Variants in ABCB1 observed in about 807,000 individuals in gnomAD.
ABCB1 encodes the protein ATP binding cassette subfamily B member 1.
Under a neutral mutation model 142.0 loss-of-function variants are expected in ABCB1, and 69 were observed. That is an observed-to-expected ratio of 0.49 (90% confidence interval 0.40 to 0.59). ABCB1 has a LOEUF of 0.59. ABCB1 is among the 20% of genes least tolerant of loss of function. The pLI is 0.00. For synonymous variants in ABCB1, 532 were observed against 539.2 expected, an observed-to-expected ratio of 0.99 and a Z score of 0.18; for missense variants, 1,326 against 1,554.7, an observed-to-expected ratio of 0.85 and a Z score of 2.47.
chr7:87,626,837 G>A lies in ABCB1; in HGVS notation c.-330-25759C>T, dbSNP rs187952685. Among the ~76,000 whole-genome samples the A allele has an allele frequency of 5.3e-5, 8 of 151,736 alleles. No homozygotes were observed. In the South Asian group the frequency reaches 8.3e-4, roughly 16 times the overall value. On this transcript the variant is annotated intron_variant, in intron 1 of 28. Transcript: ENST00000265724. The stretch of plus-strand genomic sequence containing the variant: ...GTCGCCCAGGCTGGAGTGCACTGGC[G>A]CAGTCTCCGCTCACTGCAACCTCCG...
intron 1 of ABCB1, chr7:87,709,554 T>A (rs982660055): frequency 6.2e-5 from 61 of 980,868 alleles, no homozygotes; most frequent in Non-Finnish European, 7.1e-5. Flanking sequence ...TCATTCATTT[T>A]CTTCCCAGTA....
At chr7:87,562,390 G>A (rs555985594) in intron 7 of ABCB1, among the ~76,000 whole-genome samples, 419 of 152,244 alleles carry the variant, frequency 2.8e-3, no homozygotes, top group Non-Finnish European at 4.6e-3. Flanking sequence ...AACCATTCAC[G>A]GTAGGAGGTC....
At position 87,675,707 on chromosome 7, in the gene ABCB1, A is replaced by G. The variant is rs543669422; in HGVS notation, c.-331+37454T>C. On this transcript the variant is annotated intron_variant, in intron 1 of 28. Coordinates refer to the ABCB1 transcript ENST00000265724. ...AAGAAGGAAAGAAAGAAAACAAAGA[A>G]AGAGAGAGAGAAATCGGACCTTTCT... is the stretch of plus-strand genomic sequence containing the variant. Among the ~76,000 whole-genome samples the G allele has an allele frequency of 4.6e-5, 7 of 151,388 alleles. No individual in the cohort carries two copies. The East Asian group carries it at 9.7e-4, about 21-fold the overall frequency.
chr7:87,575,020 A>C (rs1471832615), intron 4 of ABCB1, among the ~76,000 whole-genome samples: 1 of 152,190 alleles, frequency 6.6e-6, no homozygotes, highest in Non-Finnish European at 1.5e-5. Context: ...TATTCCATCC[A>C]ACCATTCTCC....
intron 1 of ABCB1, among the ~76,000 whole-genome samples, chr7:87,679,829 T>G (rs750492786): frequency 4.6e-5 from 7 of 150,662 alleles, no homozygotes; most frequent in Middle Eastern, 3.2e-3. Flanking sequence ...AGAATTGAAA[T>G]CATATAAAGT....
intron 13 of ABCB1, 62 bp downstream of exon 13, chr7:87,549,789 C>T: frequency 1.3e-6 from 2 of 1,555,398 alleles, no homozygotes; most frequent in African/African-American, 1.4e-5. Context: ...TAACTTCCTG[C>T]ATAGTAGGCC....
In ABCB1 at chr7:87,544,902, A is replaced by C. The variant is rs35657960; in HGVS notation, c.1985T>G (p.Leu662Arg). The part of the protein sequence containing the change: ...EMSSNDSRSS[L>R]IRKRSTRRSV... ...CCTACGAGTTGATCTTTTTCTTATT[A>C]GACTGGATCTTGAATCATTTGAAGA... Residue 662 changes from leucine (L) to arginine (R), a missense_variant, in exon 16 of 28, where the codon CTA (leucine) becomes CGA (arginine). Transcript: ENST00000622132. 2.3e-4 allele frequency: 369 copies of C among 1,614,126 alleles called. 1 individual carries two copies. Among genetic ancestry groups the C allele is most frequent in the Admixed American group, 1.8e-4 (11 of 60,022 alleles).
At chr7:87,706,930 T>C (rs758618841) in intron 1 of ABCB1, among the ~76,000 whole-genome samples, 35 of 152,294 alleles carry the variant, frequency 2.3e-4, no homozygotes, top group Non-Finnish European at 4.7e-4. Flanking sequence ...TCTGGAGAGA[T>C]AGAGGTTAGA....
intron 7 of ABCB1, among the ~76,000 whole-genome samples, chr7:87,562,003 A>C (rs1351111327): frequency 6.6e-6 from 1 of 152,114 alleles, no homozygotes; most frequent in African/African-American, 2.4e-5. Flanking sequence ...CCTCCCCCAA[A>C]ATTACACAAA....
chr7:87,654,184 A>T (rs1262350848), intron 1 of ABCB1, among the ~76,000 whole-genome samples: 2 of 152,146 alleles, frequency 1.3e-5, no homozygotes, highest in East Asian at 3.9e-4. Flanking sequence ...GGTTCACTGA[A>T]ATCTCCACCA....
At position 87,550,902 on chromosome 7, in the gene ABCB1, T is replaced by A. The variant is rs1329644880; in HGVS notation, c.1000-64A>T. On this transcript the variant is annotated intron_variant, in intron 9 of 27. Transcript: ENST00000622132. ...AGTGACAGCAATTTTTTTTCATACTTCTTCTGTCTTTTTCTAACATAGGTA... is the reference window on the plus strand; with the variant it reads ...AGTGACAGCAATTTTTTTTCATACTACTTCTGTCTTTTTCTAACATAGGTA... 58 of 981,438 alleles carry A rather than the reference T, an allele frequency of 5.9e-5. 1 individual carries two copies. Among genetic ancestry groups the A allele is most frequent in the Non-Finnish European group, 8.2e-5 (50 of 608,612 alleles). The allele number at this position is 981,438 out of a possible 1,614,324, so 60.8% of individuals were successfully genotyped here.
intron 1 of ABCB1, among the ~76,000 whole-genome samples, chr7:87,690,720 G>GT (rs1396770988): frequency 1.3e-4 from 20 of 152,208 alleles, no homozygotes; most frequent in African/African-American, 4.8e-4. Flanking sequence ...AACAGTATTA[G>GT]TAATAGAATA....
At chr7:87,663,959 C>T (rs1824969647) in intron 1 of ABCB1, among the ~76,000 whole-genome samples, 1 of 152,080 alleles carries the variant, frequency 6.6e-6, no homozygotes, top group East Asian at 1.9e-4. Context: ...CCTCATTTCA[C>T]CTTAATTAAC....
chr7:87,621,942 G>A (rs1404974772), intron 1 of ABCB1, among the ~76,000 whole-genome samples: 1 of 151,850 alleles, frequency 6.6e-6, no homozygotes, highest in East Asian at 1.9e-4. Flanking sequence ...AATAGAATTG[G>A]GACAGTGGTT....
rs1563063922 is a variant in ABCB1 at position 87,585,521 on chromosome 7, T to C, written c.277A>G (p.Thr93Ala). ...GNLEDLMSNI[T>A]NRSDINDTGF... ...CACAAACAATACTTACTTCTATTAG[T>C]GATGTTTGACATCAGATCTTCTAAA... Residue 93 changes from threonine (T) to alanine (A), a missense_variant, in exon 4 of 28, where the codon ACT becomes GCT. Thr to Ala is a moderately conservative substitution (Grantham distance 58). Transcript: ENST00000622132. 6.2e-7 allele frequency: 1 copy of C among 1,613,704 alleles called. No homozygotes were observed. Among genetic ancestry groups the C allele is most frequent in the East Asian group, 2.2e-5 (1 of 44,874 alleles).
intron 20 of ABCB1, among the ~76,000 whole-genome samples, chr7:87,533,669 G>GCACAGA (rs1816159211): frequency 6.6e-6 from 1 of 152,178 alleles, no homozygotes; most frequent in Non-Finnish European, 1.5e-5. Context: ...GAATGGAAGA[G>GCACAGA]CACAGATTAG....
At chr7:87,507,320 G>A (rs1332164601) in intron 26 of ABCB1, among the ~76,000 whole-genome samples, 1 of 152,184 alleles carries the variant, frequency 6.6e-6, no homozygotes, top group Non-Finnish European at 1.5e-5. Flanking sequence ...CTCTGTGTTT[G>A]TGTTTTATTA....
intron 1 of ABCB1, among the ~76,000 whole-genome samples, chr7:87,629,518 T>C (rs1820984918): frequency 6.6e-6 from 1 of 152,214 alleles, no homozygotes; most frequent in Non-Finnish European, 1.5e-5. Flanking sequence ...AGAGTGGGAC[T>C]GTGGAGGATA....
intron 1 of ABCB1, among the ~76,000 whole-genome samples, chr7:87,626,437 CATATATGTGTCAT>C (rs1820554640): frequency 6.2e-5 from 1 of 16,248 alleles, no homozygotes; most frequent in Non-Finnish European, 8.3e-5. Context: ...ATGTATGTGT[CATATATGTGTCAT>C]ATATATGTGT....
Sources: allele counts gnomAD v4.1 joint callset (sites outside exome capture counted in the v4.1 genomes callset), GRCh38; gene constraint gnomAD v4.1.1; transcripts MANE v1.5; gene names NCBI Gene and HGNC (gene_info 2026-07-23, HGNC 2026-07-21).